The following GALNT18 variants were observed in gnomAD, a reference collection of about 807,000 sequenced individuals.
The protein encoded by GALNT18 is polypeptide N-acetylgalactosaminyltransferase 18, also known as GalNAc-transferase 18.
GALNT18 carries 44 observed loss-of-function variants against 69.5 expected under a neutral mutation model. The ratio of observed to expected loss-of-function variants is 0.63; its 90% CI spans 0.50 to 0.81. GALNT18 has a LOEUF of 0.81. Among genes scored for constraint, GALNT18 ranks in the 40% least tolerant of loss-of-function variants. GALNT18 has a pLI of 0.00. For missense variants in GALNT18, 715 were observed against 810.0 expected (o/e 0.88, Z 1.42); for synonymous variants, 364 against 318.2 (o/e 1.14, Z -1.53).
chr11:11,353,929 T>G (rs979131142), intron 6 of GALNT18, among the ~76,000 whole-genome samples: 1 of 152,148 alleles, frequency 6.6e-6, no homozygotes, highest in African/African-American at 2.4e-5. Flanking sequence ...GAATGTCTGG[T>G]GTCTATGTGT....
chr11:11,475,197 A>G (rs1416709897), intron 1 of GALNT18: 2 of 6,944 alleles, frequency 2.9e-4, no homozygotes, highest in Non-Finnish European at 8.9e-3. Context: ...CTTTTTTCTT[A>G]TAACTACTTC....
chr11:11,359,130 C>T (rs72853140), intron 6 of GALNT18, among the ~76,000 whole-genome samples: 36,463 of 138,836 alleles, frequency 0.26, 9,778 homozygotes, highest in East Asian at 0.39. Context: ...TGGGCAAAGA[C>T]GAGGTTGCTT....
intron 2 of GALNT18, among the ~76,000 whole-genome samples, chr11:11,437,889 G>C (rs1203329777): frequency 6.6e-6 from 1 of 152,172 alleles, no homozygotes; most frequent in Non-Finnish European, 1.5e-5. Context: ...AGTGGAGGTG[G>C]GGCCCACCTG....
chr11:11,277,926 TG>T (rs1336481086), intron 10 of GALNT18, among the ~76,000 whole-genome samples: 1 of 152,184 alleles, frequency 6.6e-6, no homozygotes, highest in African/African-American at 2.4e-5. Context: ...TCCAATTATG[TG>T]GTCAATTTTG....
chr11:11,302,978 C>T (rs1286264048), intron 9 of GALNT18, among the ~76,000 whole-genome samples: 2 of 152,184 alleles, frequency 1.3e-5, no homozygotes, highest in African/African-American at 4.8e-5. Flanking sequence ...GGACAAAGCT[C>T]GAGTGACTCC....
chr11:11,492,943 G>A (rs989985049), intron 1 of GALNT18, among the ~76,000 whole-genome samples: 2 of 152,112 alleles, frequency 1.3e-5, no homozygotes, highest in African/African-American at 4.8e-5. Flanking sequence ...GCATTCTGAA[G>A]TTCCAGAGCA....
chr11:11,409,209 TG>T (rs1357593603), intron 3 of GALNT18, among the ~76,000 whole-genome samples: 1 of 152,116 alleles, frequency 6.6e-6, no homozygotes, highest in Non-Finnish European at 1.5e-5. Context: ...TACTGGCTCA[TG>T]GGGGCAGCCA....
Position 11,604,874 on chromosome 11 carries a change from GA to G in GALNT18, c.235+16484del, listed in dbSNP as rs1414432501. ...AAAGGCTACACAATCTGTTTGAAATGAAAAGGAAAATAAAATCACTGCTCTC... is the reference window on the plus strand; with the variant it reads ...AAAGGCTACACAATCTGTTTGAAATGAAAGGAAAATAAAATCACTGCTCTC... On this transcript the variant is annotated intron_variant, in intron 1 of 10. Coordinates refer to ENST00000227756, the MANE Select transcript of GALNT18 (RefSeq NM_198516.3). The surrounding 1 kb of genome is among the most constrained non-coding windows in gnomAD (Gnocchi z 5.6). Among the ~76,000 whole-genome samples the G allele has an allele frequency of 1.3e-5, 2 of 152,076 alleles. No individual in the cohort carries two copies. The highest frequency in any genetic ancestry group is 4.8e-5 in the African/African-American group (2 of 41,420).
At position 11,347,008 on chromosome 11, in the gene GALNT18, C is replaced by A. The variant is rs967772652; in HGVS notation, c.1093-6004G>T. Among the ~76,000 whole-genome samples the A allele has an allele frequency of 7.9e-5, 12 of 152,158 alleles. No homozygotes were observed. Among genetic ancestry groups the A allele is most frequent in the Non-Finnish European group, 1.8e-4 (12 of 68,028 alleles). On this transcript the variant is annotated intron_variant, in intron 6 of 10. Coordinates refer to ENST00000227756, the MANE Select transcript of GALNT18 (RefSeq NM_198516.3). The surrounding 1 kb of genome is among the most constrained non-coding windows in gnomAD (Gnocchi z 4.0). Reference sequence around the variant, plus strand: ...ACAAGCTCCCACGAGCAAAGGCGGGCATGTAGTGGGTTCTCAGGGAGGCTC... The same window carrying A: ...ACAAGCTCCCACGAGCAAAGGCGGGAATGTAGTGGGTTCTCAGGGAGGCTC...
chr11:11,400,615 G>A (rs1039508426), intron 3 of GALNT18, among the ~76,000 whole-genome samples: 2 of 152,158 alleles, frequency 1.3e-5, no homozygotes, highest in Non-Finnish European at 2.9e-5. Flanking sequence ...TCCAGTGTCT[G>A]GTGAGGGCAC....
rs550026408 is a variant in GALNT18 at position 11,454,399 on chromosome 11, C to T, written c.236-5463G>A. On this transcript the variant is annotated intron_variant, in intron 1 of 10. Transcript: ENST00000227756. This position sits in a 1 kb window ranked among gnomAD's most constrained non-coding sequence, Gnocchi z 4.2. ...TACCAGAGAATTACCAGGCTTCTCT[C>T]CCAAGTATCCAGAATAGGACTGTGC... is the stretch of plus-strand genomic sequence containing the variant. Among the ~76,000 whole-genome samples the T allele has an allele frequency of 6.6e-6, 1 of 152,248 alleles. No homozygotes were observed. The highest frequency in any genetic ancestry group is 1.9e-4 in the East Asian group (1 of 5,184).
intron 6 of GALNT18, chr11:11,352,497 A>G: frequency 6.2e-7 from 1 of 1,614,162 alleles, no homozygotes; most frequent in Non-Finnish European, 8.5e-7. Flanking sequence ...ATAATCGTAC[A>G]TCTGATAGTC....
chr11:11,324,506 G>A (rs182349546), intron 9 of GALNT18, among the ~76,000 whole-genome samples: 1 of 152,218 alleles, frequency 6.6e-6, no homozygotes, highest in Admixed American at 6.5e-5. Context: ...GTAATAGCAG[G>A]GATGTATCTC....
chr11:11,593,378 A>C (rs1318210851), intron 1 of GALNT18, among the ~76,000 whole-genome samples: 1 of 152,200 alleles, frequency 6.6e-6, no homozygotes, highest in East Asian at 1.9e-4. Context: ...AGTCTAAAAA[A>C]ATCTATGAGG....
intron 3 of GALNT18, among the ~76,000 whole-genome samples, chr11:11,395,449 C>T (rs1854304478): frequency 6.6e-6 from 1 of 152,196 alleles, no homozygotes; most frequent in South Asian, 2.1e-4. Context: ...GGGGCTTCAC[C>T]CACATTTGCT....
At chr11:11,607,797 G>C (rs1859790883) in intron 1 of GALNT18, among the ~76,000 whole-genome samples, 1 of 152,192 alleles carries the variant, frequency 6.6e-6, no homozygotes, top group Non-Finnish European at 1.5e-5. Context: ...TCTCCACCAA[G>C]GAGCTAGGAA....
In GALNT18 at chr11:11,356,596, T is replaced by G. The variant is rs1341264996; in HGVS notation, c.1093-15592A>C. On this transcript the variant is annotated intron_variant, in intron 6 of 10. Coordinates refer to ENST00000227756, the MANE Select transcript of GALNT18 (RefSeq NM_198516.3). This position sits in a 1 kb window ranked among gnomAD's most constrained non-coding sequence, Gnocchi z 4.4. Reference sequence around the variant, plus strand: ...CACCAATTGTCCCAATCAAAGCCTTTATAGCTATTTTTCCCCTTCATCCAA... The same window carrying G: ...CACCAATTGTCCCAATCAAAGCCTTGATAGCTATTTTTCCCCTTCATCCAA... Among the ~76,000 whole-genome samples the G allele has an allele frequency of 6.6e-6, 1 of 152,194 alleles. No homozygotes were observed.
intron 1 of GALNT18, among the ~76,000 whole-genome samples, chr11:11,571,542 G>A (rs61870375): frequency 6.6e-6 from 1 of 152,168 alleles, no homozygotes; most frequent in Non-Finnish European, 1.5e-5. Context: ...TTTCTGGTGG[G>A]ACATGCCTCT....
rs771080308 is a variant in GALNT18, at chr11:11,389,732, C to T, written c.596-10468G>A. Among the ~76,000 whole-genome samples the T allele has an allele frequency of 3.3e-5, 5 of 152,246 alleles. No homozygotes were observed. Among genetic ancestry groups the T allele is most frequent in the East Asian group, 3.9e-4 (2 of 5,170 alleles). On this transcript the variant is annotated intron_variant, in intron 3 of 10. Transcript: ENST00000227756. This position sits in a 1 kb window ranked among gnomAD's most constrained non-coding sequence, Gnocchi z 4.3. ...AACTCAAAGCCTTGGGAATTGCTGG[C>T]AGATAGTGTTTAATAGCAGGTGATA...
Sources: allele counts gnomAD v4.1 joint callset (sites outside exome capture counted in the v4.1 genomes callset), GRCh38; gene constraint gnomAD v4.1.1; non-coding constraint Gnocchi (gnomAD v3.1); transcripts MANE v1.5; gene names NCBI Gene and HGNC (gene_info 2026-07-23, HGNC 2026-07-21).